Variants in POLR3B observed in about 807,000 individuals in gnomAD.
The protein encoded by POLR3B is RNA polymerase III subunit B.
In POLR3B, 96 loss-of-function variants were observed where a neutral mutation model predicts 147.4. That is an observed-to-expected ratio of 0.65 (90% CI 0.55 to 0.77). The LOEUF is 0.77. POLR3B is among the 30% of genes least tolerant of loss of function. The pLI, the probability that POLR3B is intolerant of heterozygous loss-of-function variation, is 0.00. For synonymous variants in POLR3B, 461 were observed against 485.9 expected (o/e 0.95, Z 0.67); for missense variants, 1,036 against 1,413.5 (o/e 0.73, Z 4.28).
In POLR3B at chr12:106,454,776, A is replaced by G. The variant is rs890265093; in HGVS notation, c.2293+65A>G. 11 of 858,254 alleles carry G rather than the reference A, an allele frequency of 1.3e-5. No individual in the cohort carries two copies. In the African/African-American group the frequency reaches 1.7e-4, roughly 13 times the overall value. 53.2% of individuals were successfully genotyped at this position (858,254 alleles called of 1,614,324 possible). A position where few individuals can be genotyped will look rare whatever the true frequency, so the allele number is the denominator to read the frequency against. ...GCAGAATTAGATATAGGGATGATTA[A>G]TGTAAAAATCACTTGGTTAATGTCA... On this transcript the variant is annotated intron_variant, in intron 20 of 27. Coordinates refer to ENST00000228347, the MANE Select transcript of POLR3B (RefSeq NM_018082.6).
chr12:106,494,232 C>T (rs1248836666), intron 23 of POLR3B, among the ~76,000 whole-genome samples: 1 of 152,120 alleles, frequency 6.6e-6, no homozygotes, highest in Non-Finnish European at 1.5e-5. Context: ...AAATGTAAGT[C>T]ATCTCTCTCC....
In POLR3B at chr12:106,496,115, C is replaced by T. The variant is rs775141057; in HGVS notation, c.2774C>T (p.Pro925Leu). The T allele has an allele frequency of 1.1e-5, 17 of 1,612,768 alleles. No homozygotes were observed. The highest frequency in any genetic ancestry group is 1.2e-5 in the Non-Finnish European group (14 of 1,178,884). The change falls in exon 24 of 28, where the codon CCG becomes CTG. Residue 925 changes from proline (P) to leucine (L), a missense_variant. Physicochemically the swap from Pro to Leu is moderately conservative, Grantham distance 98. Coordinates refer to ENST00000228347, the MANE Select transcript of POLR3B (RefSeq NM_018082.6). ...CCATTTTGTGATTCTGGCATCTGTC[C>T]GGACATCATCATGAACCCACACGGC... ...DMPFCDSGIC[P>L]DIIMNPHGFP... is the part of the protein sequence containing the mutation.
rs1232093595 is a variant in POLR3B at position 106,477,249 on chromosome 12, G to A, written c.2713+13629G>A. Among the ~76,000 whole-genome samples, 9 of 99,854 alleles carry A rather than the reference G, an allele frequency of 9.0e-5. No homozygotes were observed. In the South Asian group the frequency reaches 9.4e-4, roughly 10 times the overall value. The allele number at this position is 99,854 out of a possible 152,430, so 65.5% of individuals were successfully genotyped here. ...TTCTCAGATCTCAAGCTGCGTGCTG[G>A]GAGAACCACTGCTCTCTTCAAAGCT... On this transcript the variant is annotated intron_variant, in intron 23 of 27. Transcript: ENST00000228347.
chr12:106,483,294 C>T (rs1468430624), intron 23 of POLR3B, among the ~76,000 whole-genome samples: 2 of 152,170 alleles, frequency 1.3e-5, no homozygotes, highest in Non-Finnish European at 2.9e-5. Flanking sequence ...CATGCCCACC[C>T]ACGTCCATCC....
At position 106,369,289 on chromosome 12, in the gene POLR3B, A is replaced by T. The variant is rs1252178907; in HGVS notation, c.242A>T (p.Tyr81Phe). The T allele has an allele frequency of 2.5e-6, 4 of 1,588,374 alleles. No homozygotes were observed. The East Asian group carries it at 6.7e-5, about 27-fold the overall frequency. Residue 81 changes from tyrosine (Y) to phenylalanine (F), a missense_variant, in exon 5 of 28, where the codon TAT becomes TTT. Tyr to Phe is a conservative substitution (Grantham distance 22). Coordinates refer to ENST00000228347, the MANE Select transcript of POLR3B (RefSeq NM_018082.6). Reference sequence around the variant, plus strand: ...TTGCTTTTCAGATATCTTAATATCTATGTTGGGCTTCCTGATGTTGAAGAA... The same window carrying T: ...TTGCTTTTCAGATATCTTAATATCTTTGTTGGGCTTCCTGATGTTGAAGAA... Reference protein sequence around the residue: ...PMWYLKYLNIYVGLPDVEESF... With the variant: ...PMWYLKYLNIFVGLPDVEESF...
At chr12:106,366,834 G>A in intron 4 of POLR3B, 112 bp downstream of exon 4, 1 of 903,244 alleles carries the variant, frequency 1.1e-6, no homozygotes, top group Non-Finnish European at 1.8e-6. Flanking sequence ...CAGGCTCGGT[G>A]GCTTATGCCT....
chr12:106,508,232 T>C (rs2038720229), intron 27 of POLR3B, among the ~76,000 whole-genome samples: 1 of 152,254 alleles, frequency 6.6e-6, no homozygotes, highest in South Asian at 2.1e-4. Context: ...TATGCTGTTA[T>C]AAATAGTGTG....
intron 10 of POLR3B, among the ~76,000 whole-genome samples, chr12:106,397,343 G>A (rs1293822823): frequency 1.3e-5 from 2 of 152,090 alleles, no homozygotes; most frequent in East Asian, 3.8e-4. Flanking sequence ...AATCTTAATT[G>A]TATGACTTTA....
chr12:106,364,706 C>A, intron 2 of POLR3B, among the ~76,000 whole-genome samples: 1 of 152,222 alleles, frequency 6.6e-6, no homozygotes, highest in Admixed American at 6.5e-5. Context: ...ACCCAAATGG[C>A]CATCAGCTGC....
intron 16 of POLR3B, among the ~76,000 whole-genome samples, chr12:106,434,390 A>T (rs1309782034): frequency 6.6e-6 from 1 of 152,094 alleles, no homozygotes; most frequent in African/African-American, 2.4e-5. Flanking sequence ...TTAAAGGAGG[A>T]GTAGGATTGT....
chr12:106,470,547 A>G (rs887891826), intron 23 of POLR3B, among the ~76,000 whole-genome samples: 10 of 151,734 alleles, frequency 6.6e-5, no homozygotes, highest in Non-Finnish European at 1.3e-4. Flanking sequence ...GGTTTTTGGA[A>G]TTTTCAGCCT....
chr12:106,504,890 T>G lies in POLR3B; in HGVS notation c.3272+636T>G, dbSNP rs1365884194. Among the ~76,000 whole-genome samples, 3 of 152,214 alleles carry G rather than the reference T, an allele frequency of 2.0e-5. No individual in the cohort carries two copies. The highest frequency in any genetic ancestry group is 7.2e-5 in the African/African-American group (3 of 41,464). ...GTTCTAGGCCCTAGAAATGCAGCAG[T>G]GAACAAGACAGTGGATGGCTGCTCC... On this transcript the variant is annotated intron_variant, in intron 27 of 27. Coordinates refer to ENST00000228347, the MANE Select transcript of POLR3B (RefSeq NM_018082.6). This position sits in a 1 kb window ranked among gnomAD's most constrained non-coding sequence, Gnocchi z 4.6.
intron 10 of POLR3B, among the ~76,000 whole-genome samples, chr12:106,397,487 G>A (rs1196527370): frequency 1.3e-5 from 2 of 151,998 alleles, no homozygotes; most frequent in African/African-American, 2.4e-5. Context: ...GCCAATTACA[G>A]AACTTTATAT....
At position 106,450,042 on chromosome 12, in the gene POLR3B, C is replaced by T. The variant is rs924474318; in HGVS notation, c.2084-4460C>T. On this transcript the variant is annotated intron_variant, in intron 19 of 27. Coordinates refer to ENST00000228347, the MANE Select transcript of POLR3B (RefSeq NM_018082.6). Reference sequence around the variant, plus strand: ...AGTATGATGTTGACAGAAGGGTAGACATATAGGTCAATGGAATTGGCATCA... The same window carrying T: ...AGTATGATGTTGACAGAAGGGTAGATATATAGGTCAATGGAATTGGCATCA... Among the ~76,000 whole-genome samples the T allele has an allele frequency of 5.3e-5, 8 of 152,164 alleles. No individual in the cohort carries two copies. The East Asian group carries it at 1.5e-3, about 29-fold the overall frequency.
At position 106,369,508 on chromosome 12, in the gene POLR3B, A is replaced by G. The variant is rs2036575950; in HGVS notation, c.304-75A>G. ...AATGTGGACCATAATTCTACTACAG[A>G]AGGAGCACTTTGAAGTGGTCAGGAC... On this transcript the variant is annotated intron_variant, in intron 5 of 27. Coordinates refer to ENST00000228347, the MANE Select transcript of POLR3B (RefSeq NM_018082.6). The G allele has an allele frequency of 3.8e-6, 4 of 1,046,678 alleles. No individual in the cohort carries two copies. The Admixed American group carries it at 6.7e-5, about 18-fold the overall frequency. 64.8% of individuals were successfully genotyped at this position (1,046,678 alleles called of 1,614,324 possible). A position where few individuals can be genotyped will look rare whatever the true frequency, so the allele number is the denominator to read the frequency against.
At chr12:106,376,500 G>C (rs752881307) in intron 7 of POLR3B, 50 bp downstream of exon 7, 2 of 1,235,472 alleles carry the variant, frequency 1.6e-6, no homozygotes, top group South Asian at 2.4e-5. Context: ...CTTTTATTCT[G>C]CTGCTGCTGT....
chr12:106,423,745 C>T (rs1403306284), intron 12 of POLR3B, among the ~76,000 whole-genome samples: 1 of 152,186 alleles, frequency 6.6e-6, no homozygotes, highest in Non-Finnish European at 1.5e-5. Flanking sequence ...TCAATCTCTT[C>T]CAGAAACACC....
chr12:106,487,421 G>A (rs1364382799), intron 23 of POLR3B, among the ~76,000 whole-genome samples: 1 of 152,144 alleles, frequency 6.6e-6, no homozygotes, highest in Non-Finnish European at 1.5e-5. Context: ...TTATCTATGA[G>A]AAAATTTAAA....
At chr12:106,415,376 G>A (rs943972517) in intron 12 of POLR3B, among the ~76,000 whole-genome samples, 1 of 152,188 alleles carries the variant, frequency 6.6e-6, no homozygotes, top group African/African-American at 2.4e-5. Flanking sequence ...TAGAGTCTAT[G>A]TTGTTGGTGA....
Sources: allele counts gnomAD v4.1 joint callset (sites outside exome capture counted in the v4.1 genomes callset), GRCh38; gene constraint gnomAD v4.1.1; non-coding constraint Gnocchi (gnomAD v3.1); transcripts MANE v1.5; gene names NCBI Gene and HGNC (gene_info 2026-07-23, HGNC 2026-07-21).